The following ARMH3 variants were observed in gnomAD, a reference collection of about 807,000 sequenced individuals.
ARMH3 encodes armadillo-like helical domain-containing protein 3.
ARMH3 carries 60 observed loss-of-function variants against 99.1 expected under a neutral mutation model. The ratio of observed to expected loss-of-function variants is 0.61; its 90% CI spans 0.49 to 0.75. ARMH3 has a LOEUF of 0.75. Among genes scored for constraint, ARMH3 ranks in the 30% least tolerant of loss-of-function variants. The pLI, the probability that ARMH3 is intolerant of heterozygous loss-of-function variation, is 0.00. For synonymous variants in ARMH3, 285 were observed against 292.8 expected (o/e 0.97, Z 0.27); for missense variants, 679 against 843.1 (o/e 0.81, Z 2.41).
rs539893616 is a variant in ARMH3, at chr10:101,956,704, A to G, written c.1598T>C (p.Met533Thr). 7 of 1,613,142 alleles carry G rather than the reference A, an allele frequency of 4.3e-6. No individual in the cohort carries two copies. The highest frequency in any genetic ancestry group is 1.7e-5 in the Admixed American group (1 of 59,988). The change falls in exon 22 of 26, where the codon ATG becomes ACG. Residue 533 changes from methionine (M) to threonine (T), a missense_variant. This residue lies in a region of ARMH3 where 389 missense variants were observed against 456.5 expected (regional missense o/e 0.85). Coordinates refer to ENST00000370033, the MANE Select transcript of ARMH3 (RefSeq NM_024541.3). ...LALMIVNLFN[M>T]FITYGDTFLP... ...AAATGTGTCGCCATATGTGATAAAC[A>G]TATTAAATAGGTTCACAATCTAAAA...
rs61873612 is a variant in ARMH3, at chr10:101,985,074, T to C, written c.1406+5477A>G. 5.8e-3 allele frequency among the ~76,000 whole-genome samples: 380 copies of C among 65,850 alleles called. 6 individuals are homozygous for C. The highest frequency in any genetic ancestry group is 9.4e-3 in the Middle Eastern group (1 of 106). The allele number at this position is 65,850 out of a possible 152,430, so 43.2% of individuals were successfully genotyped here. A position where few individuals can be genotyped will look rare whatever the true frequency, so the allele number is the denominator to read the frequency against. On this transcript the variant is annotated intron_variant, in intron 19 of 25. Coordinates refer to ENST00000370033, the MANE Select transcript of ARMH3 (RefSeq NM_024541.3). ...CAGAAAGAGACTCCATCTAAAAATA[T>C]ATATACACACACACACACACACACA...
chr10:101,864,050 G>A, intron 24 of ARMH3, among the ~76,000 whole-genome samples: 1 of 105,360 alleles, frequency 9.5e-6, no homozygotes, highest in African/African-American at 4.1e-5. Flanking sequence ...AACAGAGCAA[G>A]ACTCCATCTC....
At chr10:102,038,800 C>A (rs1325733729) in intron 2 of ARMH3, among the ~76,000 whole-genome samples, 1 of 151,624 alleles carries the variant, frequency 6.6e-6, no homozygotes, top group Non-Finnish European at 1.5e-5. Context: ...AATGCAGTGG[C>A]ATGATCACAG....
chr10:101,963,744 C>T (rs1370980700), intron 20 of ARMH3, among the ~76,000 whole-genome samples: 2 of 151,984 alleles, frequency 1.3e-5, no homozygotes, highest in African/African-American at 4.8e-5. Flanking sequence ...GGATTACAGG[C>T]ATGGGCCACT....
At chr10:101,950,293 G>C (rs1392533419) in intron 22 of ARMH3, among the ~76,000 whole-genome samples, 1 of 152,100 alleles carries the variant, frequency 6.6e-6, no homozygotes, top group South Asian at 2.1e-4. Context: ...AAAATAGCAA[G>C]ATAACAGGAC....
chr10:101,941,769 T>C (rs1844249885), intron 22 of ARMH3, among the ~76,000 whole-genome samples: 1 of 152,230 alleles, frequency 6.6e-6, no homozygotes, highest in Admixed American at 6.5e-5. Flanking sequence ...AATTTATTCA[T>C]GTAATGAACA....
chr10:101,977,759 T>C (rs1271635486), intron 19 of ARMH3, among the ~76,000 whole-genome samples: 2 of 152,180 alleles, frequency 1.3e-5, no homozygotes, highest in Non-Finnish European at 2.9e-5. Context: ...GTAAGTCTGT[T>C]ATATAAGCCA....
chr10:102,007,920 A>G (rs949681640), intron 13 of ARMH3, among the ~76,000 whole-genome samples: 2 of 151,550 alleles, frequency 1.3e-5, no homozygotes, highest in African/African-American at 2.4e-5. Context: ...GTGTGCCTTC[A>G]TTGGGAGGCA....
At chr10:101,922,847 G>A (rs1436682374) in intron 23 of ARMH3, among the ~76,000 whole-genome samples, 1 of 152,176 alleles carries the variant, frequency 6.6e-6, no homozygotes, top group African/African-American at 2.4e-5. Flanking sequence ...GAATGCATGT[G>A]AGGGGAGAAC....
intron 24 of ARMH3, among the ~76,000 whole-genome samples, chr10:101,850,611 G>A (rs2135258843): frequency 6.6e-6 from 1 of 152,006 alleles, no homozygotes; most frequent in Admixed American, 6.6e-5. Context: ...TTTTAGTAGA[G>A]ATGTGATTTC....
intron 1 of ARMH3, among the ~76,000 whole-genome samples, chr10:102,043,432 CT>C (rs1276278460): frequency 2.0e-5 from 3 of 152,172 alleles, no homozygotes; most frequent in Non-Finnish European, 4.4e-5. Flanking sequence ...AGTTTAGGCA[CT>C]ATAGGATTAA....
chr10:101,857,047 GA>G (rs958771055), intron 24 of ARMH3, among the ~76,000 whole-genome samples: 1 of 148,286 alleles, frequency 6.7e-6, no homozygotes, highest in Non-Finnish European at 1.5e-5. Flanking sequence ...TAGGTATACA[GA>G]AAAAAAAAAG....
At chr10:101,888,759 T>C (rs1407001536) in intron 24 of ARMH3, among the ~76,000 whole-genome samples, 1 of 152,206 alleles carries the variant, frequency 6.6e-6, no homozygotes, top group Non-Finnish European at 1.5e-5. Flanking sequence ...ACTCAAGAGT[T>C]TCATTTTGAC....
chr10:101,852,156 G>A (rs1012728887), intron 24 of ARMH3, among the ~76,000 whole-genome samples: 1 of 152,224 alleles, frequency 6.6e-6, no homozygotes, highest in Admixed American at 6.5e-5. Context: ...AGCCTTTCCT[G>A]AGCGGTGTCA....
chr10:102,021,029 C>T (rs904528461), intron 8 of ARMH3, among the ~76,000 whole-genome samples: 1 of 151,920 alleles, frequency 6.6e-6, no homozygotes, highest in African/African-American at 2.4e-5. Context: ...TGAAGATCAA[C>T]AACTATTTTA....
At chr10:101,988,345 T>A in intron 19 of ARMH3, among the ~76,000 whole-genome samples, 1 of 152,136 alleles carries the variant, frequency 6.6e-6, no homozygotes. Context: ...ATCCTAAAAC[T>A]AGGATATAAA....
intron 14 of ARMH3, among the ~76,000 whole-genome samples, chr10:102,002,658 T>C (rs182200289): frequency 6.6e-6 from 1 of 152,090 alleles, no homozygotes; most frequent in Admixed American, 6.6e-5. Flanking sequence ...AAAGTAATAG[T>C]AGACTGAAAA....
At chr10:102,048,389 T>A (rs1438840756) in intron 1 of ARMH3, among the ~76,000 whole-genome samples, 1 of 152,194 alleles carries the variant, frequency 6.6e-6, no homozygotes, top group Non-Finnish European at 1.5e-5. Context: ...TATCTGACCA[T>A]GAGCCATTCA....
intron 23 of ARMH3, among the ~76,000 whole-genome samples, chr10:101,897,132 G>C (rs1258598181): frequency 6.6e-6 from 1 of 152,162 alleles, no homozygotes; most frequent in South Asian, 2.1e-4. Flanking sequence ...ATTGGGAAGA[G>C]GATTTAAAGA....
Sources: gnomAD v4.1 joint callset for allele counts (sites outside exome capture counted in the v4.1 genomes callset) on GRCh38, gnomAD v4.1.1 for gene constraint, gnomAD v4.1.1 regional missense constraint, MANE v1.5 for transcripts, NCBI Gene and HGNC (gene_info 2026-07-23, HGNC 2026-07-21) for gene names.